Variants in FSTL1 observed in about 807,000 individuals in gnomAD.
FSTL1 encodes follistatin like 1, also known as follistatin-related protein 1.
FSTL1 carries 24 observed loss-of-function variants against 45.9 expected under a neutral mutation model. The ratio of observed to expected loss-of-function variants is 0.52; its 90% CI spans 0.38 to 0.74. FSTL1 has a LOEUF of 0.74. Among genes scored for constraint, FSTL1 ranks in the 30% least tolerant of loss-of-function variants. The pLI is 0.00. For missense variants in FSTL1, 340 were observed against 381.8 expected (o/e 0.89, Z 0.91); for synonymous variants, 120 against 137.6 (o/e 0.87, Z 0.89).
At chr3:120,409,806 G>T in intron 5 of FSTL1, 144 bp from the exon 6 acceptor site, 1 of 571,194 alleles carries the variant, frequency 1.8e-6, no homozygotes, top group Non-Finnish European at 3.0e-6. Flanking sequence ...GCACATCCAG[G>T]GTACACAACT....
At chr3:120,446,646 A>T (rs1336613641) in intron 2 of FSTL1, among the ~76,000 whole-genome samples, 1 of 152,228 alleles carries the variant, frequency 6.6e-6, no homozygotes, top group Non-Finnish European at 1.5e-5. Context: ...CACCAAGAAG[A>T]TGCAGTCAGA....
At position 120,392,788 on chromosome 3, in the gene FSTL1, C is replaced by T. The variant is rs968604260; in HGVS notation, c.*4164G>A. On this transcript the variant is annotated 3_prime_UTR_variant, in exon 11 of 11. Transcript: ENST00000295633. ...TATTCCAGGGCTCTGAAGGCATCTGCTTAGATCTATCTATGCATTCATATT... is the reference window on the plus strand; with the variant it reads ...TATTCCAGGGCTCTGAAGGCATCTGTTTAGATCTATCTATGCATTCATATT... 1 of 152,132 alleles carries T rather than the reference C, an allele frequency of 6.6e-6. No individual in the cohort carries two copies. Among genetic ancestry groups the T allele is most frequent in the African/African-American group, 2.4e-5 (1 of 41,426 alleles). The allele number at this position is 152,132 out of a possible 1,614,324, so 9.4% of individuals were successfully genotyped here. A position where few individuals can be genotyped will look rare whatever the true frequency, so the allele number is the denominator to read the frequency against.
chr3:120,422,885 G>C (rs185238182), intron 2 of FSTL1, among the ~76,000 whole-genome samples: 1 of 152,240 alleles, frequency 6.6e-6, no homozygotes, highest in African/African-American at 2.4e-5. Context: ...AGTAGAGATG[G>C]GGTTTCACCA....
rs962304709 is a variant in FSTL1, at chr3:120,407,303, C to T, written c.462+2229G>A. Among the ~76,000 whole-genome samples the T allele has an allele frequency of 7.9e-5, 12 of 152,062 alleles. 1 individual carries two copies. Among genetic ancestry groups the T allele is most frequent in the African/African-American group, 2.4e-5 (1 of 41,380 alleles). ...AGCTGGGGCTGTGTGGGCTGTGGTG[C>T]CAGGGTAAAGGAGATAAGAAGGCTG... On this transcript the variant is annotated intron_variant, in intron 6 of 10. Coordinates refer to ENST00000295633, the MANE Select transcript of FSTL1 (RefSeq NM_007085.5).
At chr3:120,444,953 C>A (rs765510689) in intron 2 of FSTL1, among the ~76,000 whole-genome samples, 3 of 149,768 alleles carry the variant, frequency 2.0e-5, no homozygotes, top group Non-Finnish European at 2.9e-5. Flanking sequence ...CCTTCTCCTA[C>A]GGTTGACTAT....
chr3:120,424,868 C>T (rs1296491109), intron 2 of FSTL1, among the ~76,000 whole-genome samples: 1 of 151,902 alleles, frequency 6.6e-6, no homozygotes, highest in Non-Finnish European at 1.5e-5. Flanking sequence ...CAGTTATGGA[C>T]GCGTCTCAAG....
intron 6 of FSTL1, among the ~76,000 whole-genome samples, chr3:120,408,713 T>C (rs1432452849): frequency 6.6e-6 from 1 of 152,092 alleles, no homozygotes; most frequent in Non-Finnish European, 1.5e-5. Context: ...CTGTGTGGCA[T>C]GTGAGTCTCT....
At chr3:120,402,971 C>T (rs1433736066) in intron 8 of FSTL1, 53 bp from the exon 9 acceptor site, 2 of 1,146,412 alleles carry the variant, frequency 1.7e-6, no homozygotes, top group African/African-American at 1.5e-5. Context: ...TGGAACAGGG[C>T]ATCTTTGCTA....
At chr3:120,410,656 G>A (rs1454431049) in intron 5 of FSTL1, 3 of 526,478 alleles carry the variant, frequency 5.7e-6, no homozygotes, top group Middle Eastern at 2.9e-4. Context: ...ATGTCTTATA[G>A]GATGTTGAAA....
intron 2 of FSTL1, among the ~76,000 whole-genome samples, chr3:120,448,394 A>G (rs1937806275): frequency 1.3e-5 from 2 of 152,230 alleles, no homozygotes; most frequent in South Asian, 4.1e-4. Flanking sequence ...TAAAAAATCC[A>G]AATTACAATT....
Position 120,414,241 on chromosome 3 carries a change from T to C in FSTL1, c.168+1682A>G, listed in dbSNP as rs369680901. ...TGAGGAGCGTCTCTGCCTGGCCGCC[T>C]ATCGTCTGGGATGTGAGGAGCCCCT... On this transcript the variant is annotated intron_variant, in intron 3 of 10. Coordinates refer to ENST00000295633, the MANE Select transcript of FSTL1 (RefSeq NM_007085.5). 7.6e-3 allele frequency among the ~76,000 whole-genome samples: 1,151 copies of C among 150,704 alleles called. 5 individuals carry two copies. Among genetic ancestry groups the C allele is most frequent in the Non-Finnish European group, 0.012 (793 of 67,630 alleles).
rs1936611187 is a variant in FSTL1 at position 120,392,401 on chromosome 3, A to G, written c.*4551T>C. ...AGAGGCCAAAAAGTTCGAAGGCACA[A>G]TGTTTGCAAGAATGTAGGGAAATGG... On this transcript the variant is annotated 3_prime_UTR_variant, in exon 11 of 11. Coordinates refer to ENST00000295633, the MANE Select transcript of FSTL1 (RefSeq NM_007085.5). 6.6e-6 allele frequency: 1 copy of G among 152,218 alleles called. No homozygotes were observed. Among genetic ancestry groups the G allele is most frequent in the African/African-American group, 2.4e-5 (1 of 41,464 alleles). The allele number at this position is 152,218 out of a possible 1,614,324, so 9.4% of individuals were successfully genotyped here. A position where few individuals can be genotyped will look rare whatever the true frequency, so the allele number is the denominator to read the frequency against.
chr3:120,402,002 GT>G (rs1936836690), intron 9 of FSTL1, among the ~76,000 whole-genome samples: 1 of 152,094 alleles, frequency 6.6e-6, no homozygotes, highest in Admixed American at 6.5e-5. Context: ...AATATCCCTG[GT>G]TCTTTGCTAG....
chr3:120,438,716 TGAG>T (rs1320910811), intron 2 of FSTL1, among the ~76,000 whole-genome samples: 1 of 152,194 alleles, frequency 6.6e-6, no homozygotes, highest in East Asian at 1.9e-4. Context: ...ATTTGGCAGA[TGAG>T]GAGTCAGGTG....
Position 120,412,036 on chromosome 3 carries a change from G to C in FSTL1, c.169-53C>G, listed in dbSNP as rs1576213283. On this transcript the variant is annotated intron_variant, in intron 3 of 10. Transcript: ENST00000295633. ...GTGCAGTTATGGATATCGACACACA[G>C]ACACACACACACACATACATGCACA... The C allele has an allele frequency of 1.4e-5, 20 of 1,425,766 alleles. No individual in the cohort carries two copies. The Admixed American group carries it at 1.4e-4, about 10-fold the overall frequency. 88.3% of individuals were successfully genotyped at this position (1,425,766 alleles called of 1,614,324 possible).
At chr3:120,433,439 C>T (rs540175319) in intron 2 of FSTL1, among the ~76,000 whole-genome samples, 7 of 152,188 alleles carry the variant, frequency 4.6e-5, no homozygotes, top group Non-Finnish European at 8.8e-5. Flanking sequence ...GGCACCTCTT[C>T]GTATTACATA....
intron 4 of FSTL1, 68 bp from the exon 5 acceptor site, chr3:120,411,052 A>G (rs1377559634): frequency 4.5e-6 from 5 of 1,101,742 alleles, no homozygotes; most frequent in Admixed American, 3.9e-5. Flanking sequence ...CTGTATTTCT[A>G]GGATTACAGC....
At position 120,436,468 on chromosome 3, in the gene FSTL1, A is replaced by G. The variant is rs552277449; in HGVS notation, c.63+14216T>C. On this transcript the variant is annotated intron_variant, in intron 2 of 10. Transcript: ENST00000295633. ...CTGGGAACTGGGGTTTTCTTTGATC[A>G]CTATCAAGCCCTTGGTGCCACACAG... Among the ~76,000 whole-genome samples, 24 of 152,306 alleles carry G rather than the reference A, an allele frequency of 1.6e-4. 1 individual carries two copies. The highest frequency in any genetic ancestry group is 5.3e-4 in the African/African-American group (22 of 41,576).
At chr3:120,415,047 T>G (rs989291240) in intron 3 of FSTL1, among the ~76,000 whole-genome samples, 2 of 151,560 alleles carry the variant, frequency 1.3e-5, no homozygotes, top group African/African-American at 4.8e-5. Flanking sequence ...TATTTAGAGA[T>G]CTCTGCAACG....
Sources: gnomAD v4.1 joint callset for allele counts (sites outside exome capture counted in the v4.1 genomes callset) on GRCh38, gnomAD v4.1.1 for gene constraint, MANE v1.5 for transcripts, NCBI Gene and HGNC (gene_info 2026-07-23, HGNC 2026-07-21) for gene names.